SNPH: variants seen among roughly 807,000 people sequenced by gnomAD.
The protein encoded by SNPH is syntaphilin.
In SNPH, 10 loss-of-function variants were observed where a neutral mutation model predicts 36.8. The observed-to-expected ratio is 0.27, with a 90% confidence interval of 0.17 to 0.46. SNPH has a LOEUF of 0.46. Ranked by LOEUF, SNPH falls within the 20% of genes least tolerant of loss-of-function variation. The pLI is 1.00. For missense variants in SNPH, 622 were observed against 744.0 expected, an observed-to-expected ratio of 0.84 and a Z score of 1.91; for synonymous variants, 281 against 312.2, an observed-to-expected ratio of 0.90 and a Z score of 1.05.
At chr20:1,267,400 C>G (rs945843802) in intron 2 of SNPH, among the ~76,000 whole-genome samples, 1 of 152,162 alleles carries the variant, frequency 6.6e-6, no homozygotes, top group African/African-American at 2.4e-5. Flanking sequence ...GAAAGAGAGG[C>G]CGGTCACATG....
In SNPH at chr20:1,282,782, A is replaced by G. The variant is rs187737753; in HGVS notation, c.-492-12169A>G. Among the ~76,000 whole-genome samples, 11 of 152,324 alleles carry G rather than the reference A, an allele frequency of 7.2e-5. No individual in the cohort carries two copies. In the East Asian group the frequency reaches 1.7e-3, roughly 24 times the overall value. On this transcript the variant is annotated intron_variant, in intron 2 of 6. Coordinates refer to ENST00000381867, the MANE Select transcript of SNPH (RefSeq NM_001318234.2). ...GCAGTGTGTGTGCCAGGCTCTTTGC[A>G]TGCACCACTCAGTTCAGTCTTCACA...
chr20:1,305,638 G>C lies in SNPH; in HGVS notation c.1201G>C (p.Gly401Arg). Residue 401 changes from glycine (G) to arginine (R), a missense_variant, in exon 7 of 7, where the codon GGG (glycine) becomes CGG (arginine). By Grantham distance (125) the Gly-to-Arg change is moderately radical. Coordinates refer to ENST00000381867, the MANE Select transcript of SNPH (RefSeq NM_001318234.2). Reference protein sequence around the residue: ...RCPELDAHPSGPRDPNSAVVV... With the variant: ...RCPELDAHPSRPRDPNSAVVV... ...CCCAGAGCTGGATGCCCACCCTTCA[G>C]GGCCCAGAGACCCCAACTCAGCAGT... 6.2e-7 allele frequency: 1 copy of C among 1,613,510 alleles called. No individual in the cohort carries two copies.
In SNPH at chr20:1,296,133, TG is replaced by T; in HGVS notation, c.-105del. The T allele has an allele frequency of 1.1e-6, 1 of 939,544 alleles. No homozygotes were observed. Among genetic ancestry groups the T allele is most frequent in the Non-Finnish European group, 1.5e-6 (1 of 657,096 alleles). The allele number at this position is 939,544 out of a possible 1,614,324, so 58.2% of individuals were successfully genotyped here. A position where few individuals can be genotyped will look rare whatever the true frequency, so the allele number is the denominator to read the frequency against. On this transcript the variant is annotated 5_prime_UTR_variant, in exon 4 of 7. Transcript: ENST00000381867. The stretch of plus-strand genomic sequence containing the variant: ...CTGACAGTTGTGGTTTTAAGTTGGG[TG>T]GTGGGAACCTGTGCACCAGCCCTAT...
rs1477588976 is a variant in SNPH, at chr20:1,276,986, C to T, written c.-493+10226C>T. Among the ~76,000 whole-genome samples the T allele has an allele frequency of 6.6e-6, 1 of 152,110 alleles. No homozygotes were observed. Among genetic ancestry groups the T allele is most frequent in the Non-Finnish European group, 1.5e-5 (1 of 68,026 alleles). ...TTTTGCACAGATAAAAGACAGACTT[C>T]TGCTGGAGTTGTGAACTAATTGAAG... is the stretch of plus-strand genomic sequence containing the variant. On this transcript the variant is annotated intron_variant, in intron 2 of 6. Coordinates refer to ENST00000381867, the MANE Select transcript of SNPH (RefSeq NM_001318234.2). This position sits in a 1 kb window ranked among gnomAD's most constrained non-coding sequence, Gnocchi z 4.6.
chr20:1,304,885 G>C lies in SNPH; in HGVS notation c.448G>C (p.Glu150Gln). 3 of 1,612,776 alleles carry C rather than the reference G, an allele frequency of 1.9e-6. No individual in the cohort carries two copies. Among genetic ancestry groups the C allele is most frequent in the Non-Finnish European group, 2.5e-6 (3 of 1,179,754 alleles). ...TGTCTCCTCGGCTCGCAGGGACACA[G>C]AGATTGATGACCTGAAGACGCAGCT... ...TQDRLQDRDT[E>Q]IDDLKTQLSR... The change falls in exon 7 of 7, where the codon GAG (glutamate) becomes CAG (glutamine). Residue 150 changes from glutamate (E) to glutamine (Q), a missense_variant. By Grantham distance (29) the Glu-to-Gln change is conservative (BLOSUM62 2). Coordinates refer to ENST00000381867, the MANE Select transcript of SNPH (RefSeq NM_001318234.2). The surrounding 1 kb of genome is among the most constrained non-coding windows in gnomAD (Gnocchi z 4.3).
chr20:1,284,873 G>C (rs1221354020), intron 2 of SNPH, among the ~76,000 whole-genome samples: 2 of 152,206 alleles, frequency 1.3e-5, no homozygotes, highest in Non-Finnish European at 2.9e-5. Context: ...CGTTGGAGGG[G>C]TTTTGAGTAG....
At chr20:1,297,457 T>C (rs1356183161) in intron 5 of SNPH, among the ~76,000 whole-genome samples, 1 of 152,084 alleles carries the variant, frequency 6.6e-6, no homozygotes. Flanking sequence ...CAGCTGGACA[T>C]AAAAAAATAC....
chr20:1,277,424 T>C (rs2088145560), intron 2 of SNPH, among the ~76,000 whole-genome samples: 1 of 152,104 alleles, frequency 6.6e-6, no homozygotes, highest in African/African-American at 2.4e-5. Context: ...TGTCTGTGTG[T>C]CTGTGTATGT....
chr20:1,279,287 G>A (rs1568540829), intron 2 of SNPH, among the ~76,000 whole-genome samples: 1 of 152,108 alleles, frequency 6.6e-6, no homozygotes, highest in Non-Finnish European at 1.5e-5. Context: ...ATCTCCTTAT[G>A]GCTTTAATTG....
intron 2 of SNPH, among the ~76,000 whole-genome samples, chr20:1,282,200 G>A (rs909526488): frequency 3.3e-5 from 5 of 152,248 alleles, no homozygotes; most frequent in South Asian, 2.1e-4. Flanking sequence ...CATACTTTTC[G>A]ACCCTATAAA....
intron 2 of SNPH, among the ~76,000 whole-genome samples, chr20:1,278,296 G>T (rs1199374511): frequency 6.6e-6 from 1 of 152,050 alleles, no homozygotes; most frequent in Non-Finnish European, 1.5e-5. Context: ...TGTGTTGTTT[G>T]CCTGGCTTCC....
chr20:1,304,724 G>C lies in SNPH; in HGVS notation c.441-154G>C, dbSNP rs1391084206. Among the ~76,000 whole-genome samples the C allele has an allele frequency of 6.6e-6, 1 of 152,068 alleles. No individual in the cohort carries two copies. The highest frequency in any genetic ancestry group is 2.4e-5 in the African/African-American group (1 of 41,402). ...CCACTCTCACTCCCCACTATAATAA[G>C]AAGGCATTGAGTTTGTCCTTCTGTT... On this transcript the variant is annotated intron_variant, in intron 6 of 6. Coordinates refer to ENST00000381867, the MANE Select transcript of SNPH (RefSeq NM_001318234.2). The surrounding 1 kb of genome is among the most constrained non-coding windows in gnomAD (Gnocchi z 4.3).
In SNPH at chr20:1,294,167, C is replaced by T. The variant is rs1449820058; in HGVS notation, c.-492-784C>T. Among the ~76,000 whole-genome samples, 1 of 152,226 alleles carries T rather than the reference C, an allele frequency of 6.6e-6. No homozygotes were observed. Among genetic ancestry groups the T allele is most frequent in the Non-Finnish European group, 1.5e-5 (1 of 68,028 alleles). The stretch of plus-strand genomic sequence containing the variant: ...AAGCCAGAGCATGTCACACCTGCAG[C>T]TGTGTGACCTTGGGCCCAAATGCAG... On this transcript the variant is annotated intron_variant, in intron 2 of 6. Transcript: ENST00000381867. This position sits in a 1 kb window ranked among gnomAD's most constrained non-coding sequence, Gnocchi z 4.4.
chr20:1,279,049 T>A (rs575546697), intron 2 of SNPH, among the ~76,000 whole-genome samples: 20 of 152,374 alleles, frequency 1.3e-4, no homozygotes, highest in Non-Finnish European at 2.6e-4. Context: ...AATCTTTCAA[T>A]GGACATACAC....
chr20:1,296,304 C>A lies in SNPH; in HGVS notation c.65C>A (p.Pro22Gln). 2 of 1,583,554 alleles carry A rather than the reference C, an allele frequency of 1.3e-6. No individual in the cohort carries two copies. Among genetic ancestry groups the A allele is most frequent in the Non-Finnish European group, 8.6e-7 (1 of 1,166,708 alleles). Residue 22 changes from proline (P) to glutamine (Q), a missense_variant, in exon 4 of 7, where the codon CCA becomes CAA. Pro to Gln is a moderately conservative substitution (Grantham distance 76, BLOSUM62 -1). Around this residue, in one of 3 missense-constraint regions of SNPH, gnomAD observed 187 missense variants for 209.4 expected, o/e 0.89. Transcript: ENST00000381867. ...GGCCCGGCCCTTTCTGCGGGCCCCC[C>A]AACCCGCCCTCTCTCCTCAGCCCCC... ...WPGPALSAGP[P>Q]TRPLSSAPGI...
intron 2 of SNPH, among the ~76,000 whole-genome samples, chr20:1,290,827 C>A (rs2088352349): frequency 1.3e-5 from 2 of 152,214 alleles, no homozygotes; most frequent in African/African-American, 4.8e-5. Context: ...CATGAGAGTT[C>A]CAACTTCTCC....
At chr20:1,297,879 A>G (rs2088459453) in intron 5 of SNPH, among the ~76,000 whole-genome samples, 1 of 152,360 alleles carries the variant, frequency 6.6e-6, no homozygotes. Flanking sequence ...GTCTACCATC[A>G]TGCACTTCTC....
Position 1,269,017 on chromosome 20 carries a change from CTG to C in SNPH, c.-493+2260_-493+2261del, listed in dbSNP as rs1237486448. On this transcript the variant is annotated intron_variant, in intron 2 of 6. Coordinates refer to ENST00000381867, the MANE Select transcript of SNPH (RefSeq NM_001318234.2). ...GATGGTGCCAGCTGGTGTGAGATGA[CTG>C]TGAAGGGAGGAGGATTGGGAAGGGA... 3.9e-5 allele frequency among the ~76,000 whole-genome samples: 6 copies of C among 152,174 alleles called. No individual in the cohort carries two copies. The East Asian group carries it at 1.2e-3, about 29-fold the overall frequency.
intron 3 of SNPH, among the ~76,000 whole-genome samples, chr20:1,295,469 G>A (rs980414196): frequency 5.9e-5 from 9 of 152,286 alleles, no homozygotes; most frequent in African/African-American, 1.9e-4. Context: ...CACCCCCAGC[G>A]GAGGGCCTCT....
Sources: gnomAD v4.1 joint callset for allele counts (sites outside exome capture counted in the v4.1 genomes callset) on GRCh38, gnomAD v4.1.1 for gene constraint, gnomAD v4.1.1 regional missense constraint, Gnocchi (gnomAD v3.1) non-coding constraint, MANE v1.5 for transcripts, NCBI Gene and HGNC (gene_info 2026-07-23, HGNC 2026-07-21) for gene names.